The following TTBK2 variants were observed in gnomAD, a reference collection of about 807,000 sequenced individuals.
TTBK2 encodes tau tubulin kinase 2, also known as tau-tubulin kinase 2.
In TTBK2, 28 loss-of-function variants were observed where a neutral mutation model predicts 110.8. The observed-to-expected ratio is 0.25, with a 90% confidence interval of 0.19 to 0.35. TTBK2 has a LOEUF of 0.35. TTBK2 is among the 10% of genes least tolerant of loss of function. The pLI, the probability that TTBK2 is intolerant of heterozygous loss-of-function variation, is 1.00. For missense variants in TTBK2, 1,369 were observed against 1,500.3 expected, an observed-to-expected ratio of 0.91 and a Z score of 1.45; for synonymous variants, 532 against 527.3, an observed-to-expected ratio of 1.01 and a Z score of -0.12.
intron 3 of TTBK2, among the ~76,000 whole-genome samples, chr15:42,862,495 T>A (rs1315139509): frequency 6.6e-6 from 1 of 152,142 alleles, no homozygotes; most frequent in Non-Finnish European, 1.5e-5. Context: ...CATATAGTCA[T>A]CTCAATTAGA....
intron 1 of TTBK2, among the ~76,000 whole-genome samples, chr15:42,883,035 T>C (rs1429081502): frequency 1.3e-5 from 2 of 152,004 alleles, no homozygotes; most frequent in Non-Finnish European, 2.9e-5. Context: ...AGGCAAAAAT[T>C]AAAAACTGGC....
chr15:42,874,362 G>T (rs1894730095), intron 2 of TTBK2, among the ~76,000 whole-genome samples: 1 of 151,396 alleles, frequency 6.6e-6, no homozygotes, highest in Admixed American at 6.6e-5. Context: ...TGTTGCCAGG[G>T]CTGGAGTGCA....
intron 2 of TTBK2, among the ~76,000 whole-genome samples, chr15:42,877,773 T>C (rs1036398056): frequency 6.6e-6 from 1 of 152,088 alleles, no homozygotes; most frequent in Admixed American, 6.5e-5. Context: ...AGGGAAGAAA[T>C]GATTATTTTT....
At chr15:42,907,855 G>C (rs1041238703) in intron 1 of TTBK2, among the ~76,000 whole-genome samples, 2 of 150,630 alleles carry the variant, frequency 1.3e-5, no homozygotes, top group Admixed American at 1.3e-4. Flanking sequence ...AGATGGACTT[G>C]AGCCCAGGAG....
At chr15:42,819,429 C>T (rs1468518830) in intron 6 of TTBK2, among the ~76,000 whole-genome samples, 2 of 151,756 alleles carry the variant, frequency 1.3e-5, no homozygotes, top group Non-Finnish European at 2.9e-5. Context: ...GTTCTTCCTC[C>T]ACTTGCTCAT....
intron 1 of TTBK2, among the ~76,000 whole-genome samples, chr15:42,897,822 GTACACA>G (rs760305776): frequency 8.9e-6 from 1 of 112,980 alleles, no homozygotes; most frequent in South Asian, 3.0e-4. Flanking sequence ...ACCAGTAGTG[GTACACA>G]CACACACACA....
intron 1 of TTBK2, among the ~76,000 whole-genome samples, chr15:42,899,531 G>A (rs1383724524): frequency 2.0e-5 from 3 of 151,950 alleles, no homozygotes; most frequent in African/African-American, 7.2e-5. Context: ...ACGAGGTCAG[G>A]AGATCGAGAC....
intron 1 of TTBK2, among the ~76,000 whole-genome samples, chr15:42,883,168 G>C (rs1210380170): frequency 6.6e-6 from 1 of 151,986 alleles, no homozygotes; most frequent in Non-Finnish European, 1.5e-5. Context: ...GATCACCTGA[G>C]GTCGGGAGTT....
chr15:42,881,683 C>T (rs557405867), intron 1 of TTBK2, among the ~76,000 whole-genome samples: 2 of 151,962 alleles, frequency 1.3e-5, no homozygotes, highest in Non-Finnish European at 2.9e-5. Context: ...ACCAGCCTGG[C>T]CAACATGGTG....
intron 10 of TTBK2, among the ~76,000 whole-genome samples, chr15:42,794,285 A>G (rs1252279407): frequency 6.6e-6 from 1 of 152,198 alleles, no homozygotes; most frequent in Admixed American, 6.5e-5. Flanking sequence ...TGTTCCCACT[A>G]AACTTTGGCA....
chr15:42,810,879 T>C (rs1891681882), intron 8 of TTBK2, 140 bp from the exon 9 acceptor site: 2 of 938,108 alleles, frequency 2.1e-6, no homozygotes, highest in Admixed American at 4.3e-5. Context: ...ACTGAGCTCT[T>C]ACTAACAGCT....
chr15:42,801,846 C>T (rs780784399), intron 9 of TTBK2: 17 of 918,826 alleles, frequency 1.9e-5, no homozygotes, highest in Non-Finnish European at 1.8e-6. Flanking sequence ...ATTCATTCTC[C>T]ATCTCTGTAC....
At chr15:42,797,781 A>G (rs1245040254) in intron 9 of TTBK2, among the ~76,000 whole-genome samples, 4 of 152,224 alleles carry the variant, frequency 2.6e-5, no homozygotes, top group Non-Finnish European at 5.9e-5. Context: ...TAGTATATAC[A>G]GTATATGTAG....
At chr15:42,840,570 T>C (rs1383613203) in intron 3 of TTBK2, 137 bp from the exon 4 acceptor site, 2 of 836,316 alleles carry the variant, frequency 2.4e-6, no homozygotes, top group African/African-American at 3.4e-5. Flanking sequence ...AAAACTTATA[T>C]TATTCAAATT....
At chr15:42,755,619 T>A (rs2061935650) in intron 13 of TTBK2, among the ~76,000 whole-genome samples, 1 of 152,228 alleles carries the variant, frequency 6.6e-6, no homozygotes, top group Non-Finnish European at 1.5e-5. Flanking sequence ...ACTCTTAGAA[T>A]AAGCACAAAT....
chr15:42,797,186 G>C (rs544986515), intron 9 of TTBK2, among the ~76,000 whole-genome samples: 1 of 152,232 alleles, frequency 6.6e-6, no homozygotes, highest in Non-Finnish European at 1.5e-5. Flanking sequence ...CCATACAGGG[G>C]AGCCTTGCTA....
At chr15:42,784,333 A>G (rs1173006311) in intron 10 of TTBK2, among the ~76,000 whole-genome samples, 1 of 151,972 alleles carries the variant, frequency 6.6e-6, no homozygotes, top group Non-Finnish European at 1.5e-5. Flanking sequence ...GCTGGAGTGC[A>G]GTGACGCGAT....
At position 42,810,744 on chromosome 15, in the gene TTBK2, G is replaced by A. The variant is rs1278239115; in HGVS notation, c.697-5C>T. 3 of 1,613,392 alleles carry A rather than the reference G, an allele frequency of 1.9e-6. No individual in the cohort carries two copies. Among genetic ancestry groups the A allele is most frequent in the Non-Finnish European group, 1.7e-6 (2 of 1,179,772 alleles). On this transcript the variant is annotated splice_polypyrimidine_tract_variant and splice_region_variant and intron_variant, in intron 8 of 14. Transcript: ENST00000267890. ...CTTAATAGAGCCTACTTGCTCCTGG[G>A]AAGTAAAGAGAAAAAGAGCTACAGT...
chr15:42,832,737 G>C (rs1005101513), intron 4 of TTBK2, among the ~76,000 whole-genome samples: 4 of 152,074 alleles, frequency 2.6e-5, no homozygotes, highest in Non-Finnish European at 5.9e-5. Flanking sequence ...GCTCCGTCAG[G>C]CCCAGGACGT....
Sources: gnomAD v4.1 joint callset for allele counts (sites outside exome capture counted in the v4.1 genomes callset) on GRCh38, gnomAD v4.1.1 for gene constraint, MANE v1.5 for transcripts, NCBI Gene and HGNC (gene_info 2026-07-23, HGNC 2026-07-21) for gene names.